The following KCNMB2 variants were observed in gnomAD, a reference collection of about 807,000 sequenced individuals.
KCNMB2 encodes potassium calcium-activated channel subfamily M regulatory beta subunit 2.
KCNMB2 carries 9 observed loss-of-function variants against 24.5 expected under a neutral mutation model. The ratio of observed to expected loss-of-function variants is 0.37; its 90% CI spans 0.22 to 0.64. The LOEUF is 0.64. Among genes scored for constraint, KCNMB2 ranks in the 30% least tolerant of loss-of-function variants. KCNMB2 has a pLI of 0.63. For synonymous variants in KCNMB2, 109 were observed against 104.4 expected, an observed-to-expected ratio of 1.04 and a Z score of -0.27; for missense variants, 226 against 284.3, an observed-to-expected ratio of 0.79 and a Z score of 1.47.
chr3:178,617,234 G>A (rs1718737568), intron 1 of KCNMB2, among the ~76,000 whole-genome samples: 1 of 152,034 alleles, frequency 6.6e-6, no homozygotes, highest in African/African-American at 2.4e-5. Flanking sequence ...TTATTCAAAA[G>A]AAATGTTACC....
intron 1 of KCNMB2, among the ~76,000 whole-genome samples, chr3:178,780,785 A>G (rs1477497803): frequency 1.3e-5 from 2 of 152,238 alleles, no homozygotes; most frequent in African/African-American, 4.8e-5. Context: ...GTAATAACAC[A>G]TATCTGATAG....
At chr3:178,820,542 G>C (rs1714583197) in intron 2 of KCNMB2, 1 of 153,046 alleles carries the variant, frequency 6.5e-6, no homozygotes, top group South Asian at 2.1e-4. Flanking sequence ...AATTTAAATG[G>C]GTGTGACAGC....
At chr3:178,830,056 A>G (rs1714995448) in intron 4 of KCNMB2, among the ~76,000 whole-genome samples, 2 of 152,164 alleles carry the variant, frequency 1.3e-5, no homozygotes, top group Admixed American at 1.3e-4. Flanking sequence ...CTCAATAACT[A>G]CAGGCTCTGC....
intron 1 of KCNMB2, among the ~76,000 whole-genome samples, chr3:178,582,736 T>C (rs1717262842): frequency 6.6e-6 from 1 of 152,184 alleles, no homozygotes; most frequent in South Asian, 2.1e-4. Context: ...TCTGTATCTA[T>C]TGTCTATATC....
intron 1 of KCNMB2, among the ~76,000 whole-genome samples, chr3:178,541,084 G>A (rs1715600535): frequency 6.6e-6 from 1 of 152,158 alleles, no homozygotes; most frequent in Non-Finnish European, 1.5e-5. Context: ...AGAGCTCTGT[G>A]TCATAACACT....
At chr3:178,722,078 CT>C (rs1269135606) in intron 1 of KCNMB2, among the ~76,000 whole-genome samples, 1 of 152,088 alleles carries the variant, frequency 6.6e-6, no homozygotes, top group Non-Finnish European at 1.5e-5. Context: ...ACAATTTACC[CT>C]TTTTGGTGTC....
intron 1 of KCNMB2, among the ~76,000 whole-genome samples, chr3:178,627,967 G>A (rs940842222): frequency 6.6e-6 from 1 of 152,186 alleles, no homozygotes; most frequent in African/African-American, 2.4e-5. Context: ...GAACTGACTA[G>A]TGTGAATTTC....
At chr3:178,579,242 A>G (rs895521549) in intron 1 of KCNMB2, among the ~76,000 whole-genome samples, 1 of 152,234 alleles carries the variant, frequency 6.6e-6, no homozygotes, top group African/African-American at 2.4e-5. Context: ...AACTACATGG[A>G]AACTGAACAA....
At chr3:178,664,896 C>T (rs1416636664) in intron 1 of KCNMB2, among the ~76,000 whole-genome samples, 5 of 152,010 alleles carry the variant, frequency 3.3e-5, no homozygotes, top group East Asian at 1.9e-4. Context: ...TCACAAAGGA[C>T]GATCTATACA....
At chr3:178,553,682 C>T (rs1414635845) in intron 1 of KCNMB2, among the ~76,000 whole-genome samples, 6 of 151,886 alleles carry the variant, frequency 4.0e-5, no homozygotes, top group East Asian at 1.9e-4. Flanking sequence ...AGATTATGGG[C>T]GCGCATGCTA....
intron 1 of KCNMB2, among the ~76,000 whole-genome samples, chr3:178,621,222 C>A (rs566353588): frequency 6.6e-6 from 1 of 152,088 alleles, no homozygotes; most frequent in African/African-American, 2.4e-5. Flanking sequence ...AAGGGAGGAA[C>A]AGATGGGAAA....
chr3:178,746,113 T>C (rs944695674), intron 1 of KCNMB2, among the ~76,000 whole-genome samples: 1 of 152,214 alleles, frequency 6.6e-6, no homozygotes, highest in East Asian at 1.9e-4. Context: ...CCCTTCTGCA[T>C]TGCCCTAGCA....
chr3:178,783,816 CT>C (rs1712978833), intron 1 of KCNMB2, among the ~76,000 whole-genome samples: 1 of 152,192 alleles, frequency 6.6e-6, no homozygotes, highest in Non-Finnish European at 1.5e-5. Context: ...CTGGCCAGAA[CT>C]TCCAACACTA....
chr3:178,610,038 T>C (rs1417967112), intron 1 of KCNMB2, among the ~76,000 whole-genome samples: 1 of 152,214 alleles, frequency 6.6e-6, no homozygotes, highest in African/African-American at 2.4e-5. Flanking sequence ...AGACTATCTT[T>C]TTTCCAGTGT....
rs185935582 is a variant in KCNMB2, at chr3:178,779,522, C to G, written c.-67-27821C>G. Among the ~76,000 whole-genome samples the G allele has an allele frequency of 4.9e-4, 74 of 152,228 alleles. No homozygotes were observed. In the Middle Eastern group the frequency reaches 0.01, roughly 21 times the overall value. On this transcript the variant is annotated intron_variant, in intron 1 of 4. Transcript: ENST00000452583. ...AGTTCAAACGTCATAGTCAATATGT[C>G]CTTTAAGTTACATTTAATTTATAGA... is the stretch of plus-strand genomic sequence containing the variant.
intron 1 of KCNMB2, among the ~76,000 whole-genome samples, chr3:178,713,478 T>G (rs915643997): frequency 6.6e-6 from 1 of 152,176 alleles, no homozygotes; most frequent in Non-Finnish European, 1.5e-5. Flanking sequence ...AGAGCAAAAA[T>G]ATTTCTTAGA....
At position 178,758,385 on chromosome 3, in the gene KCNMB2, TAC is replaced by T. The variant is rs1459454934; in HGVS notation, c.-67-48956_-67-48955del. On this transcript the variant is annotated intron_variant, in intron 1 of 4. Coordinates refer to ENST00000452583, the MANE Select transcript of KCNMB2 (RefSeq NM_181361.3). ...ATATATATATATCTCCAAGAGGGGA[TAC>T]ATATATATATATATATATATATATA... 1.0e-2 allele frequency among the ~76,000 whole-genome samples: 23 copies of T among 2,302 alleles called. 1 individual carries two copies. Among genetic ancestry groups the T allele is most frequent in the African/African-American group, 0.015 (3 of 206 alleles). 1.5% of individuals were successfully genotyped at this position (2,302 alleles called of 152,430 possible).
intron 1 of KCNMB2, among the ~76,000 whole-genome samples, chr3:178,746,520 T>C (rs896388200): frequency 1.3e-5 from 2 of 152,240 alleles, no homozygotes; most frequent in Admixed American, 6.5e-5. Flanking sequence ...TTTCGGCTCC[T>C]TGTTACTTAT....
chr3:178,772,512 G>A (rs570864142), intron 1 of KCNMB2, among the ~76,000 whole-genome samples: 22 of 152,176 alleles, frequency 1.4e-4, no homozygotes, highest in Non-Finnish European at 2.2e-4. Flanking sequence ...CTGCCACCAT[G>A]TGAGACGTGT....
Sources: allele counts gnomAD v4.1 joint callset (sites outside exome capture counted in the v4.1 genomes callset), GRCh38; gene constraint gnomAD v4.1.1; transcripts MANE v1.5; gene names NCBI Gene and HGNC (gene_info 2026-07-23, HGNC 2026-07-21).